Variants in OR8G1 observed in about 807,000 individuals in gnomAD.
OR8G1 encodes the protein olfactory receptor family 8 subfamily G member 1.
For synonymous variants in OR8G1, 129 were observed against 133.3 expected (o/e 0.97, Z 0.22); for missense variants, 372 against 356.2 (o/e 1.04, Z -0.36).
intron 1 of OR8G1, among the ~76,000 whole-genome samples, chr11:124,244,920 A>C (rs962258394): frequency 1.3e-5 from 2 of 151,982 alleles, no homozygotes; most frequent in African/African-American, 4.8e-5. Flanking sequence ...TGTTGAGTCT[A>C]TCCATAAGTT....
At chr11:124,248,881 A>G (rs956815510) in intron 2 of OR8G1, among the ~76,000 whole-genome samples, 48 of 152,128 alleles carry the variant, frequency 3.2e-4, no homozygotes, top group Admixed American at 9.8e-4. Context: ...TGCCAATTTT[A>G]TTAATAGGTA....
At position 124,253,928 on chromosome 11, in the gene OR8G1, TA is replaced by T. The variant is rs1861886608; in HGVS notation, c.*3318del. 6.6e-6 allele frequency: 1 copy of T among 152,244 alleles called. No individual in the cohort carries two copies. The highest frequency in any genetic ancestry group is 2.4e-5 in the African/African-American group (1 of 41,466). 9.4% of individuals were successfully genotyped at this position (152,244 alleles called of 1,614,324 possible). On this transcript the variant is annotated 3_prime_UTR_variant, in exon 3 of 3. Transcript: ENST00000641972. ...TTGTGCACATATACCACATTTTGTT[TA>T]TCCATTCTTCCTAAGCGATGGACAC...
At position 124,252,629 on chromosome 11, in the gene OR8G1, A is replaced by G. The variant is rs965652785; in HGVS notation, c.*2018A>G. On this transcript the variant is annotated 3_prime_UTR_variant, in exon 3 of 3. Coordinates refer to ENST00000641972, the MANE Select transcript of OR8G1 (RefSeq NM_001002905.2). Reference sequence around the variant, plus strand: ...CACACTCAAATATTTATTAATGATTATACCAAACACCCTTGGTTTCTCATG... The same window carrying G: ...CACACTCAAATATTTATTAATGATTGTACCAAACACCCTTGGTTTCTCATG... 1.3e-5 allele frequency: 2 copies of G among 152,216 alleles called. No homozygotes were observed. The highest frequency in any genetic ancestry group is 2.9e-5 in the Non-Finnish European group (2 of 68,046). 9.4% of individuals were successfully genotyped at this position (152,216 alleles called of 1,614,324 possible). A position where few individuals can be genotyped will look rare whatever the true frequency, so the allele number is the denominator to read the frequency against.
intron 1 of OR8G1, among the ~76,000 whole-genome samples, chr11:124,247,522 T>G (rs2466644): frequency 0.51 from 77,039 of 151,152 alleles, 20,216 homozygotes; most frequent in South Asian, 0.7. Flanking sequence ...CTAAAAATTC[T>G]CACAGAGAGA....
intron 1 of OR8G1, among the ~76,000 whole-genome samples, chr11:124,244,637 C>T (rs1861794792): frequency 6.6e-6 from 1 of 151,884 alleles, no homozygotes; most frequent in African/African-American, 2.4e-5. Flanking sequence ...AATTACTGAT[C>T]CTATGTAAGG....
intron 2 of OR8G1, 32 bp from the exon 3 acceptor site, chr11:124,249,628 G>T (rs969257286): frequency 1.9e-5 from 30 of 1,550,404 alleles, no homozygotes; most frequent in Middle Eastern, 1.8e-4. Context: ...CAACCATGGG[G>T]TTTTTTTGTT....
rs1002989158 is a variant in OR8G1 at position 124,243,247 on chromosome 11, A to G, written c.-97+1883A>G. 2.6e-5 allele frequency among the ~76,000 whole-genome samples: 4 copies of G among 151,954 alleles called. No individual in the cohort carries two copies. The South Asian group carries it at 8.3e-4, about 31-fold the overall frequency. ...CATATATACCCAATTTTTAACACGC[A>G]GGAGTAAACATAATAGACCAGGAGC... On this transcript the variant is annotated intron_variant, in intron 1 of 2. Transcript: ENST00000641972.
At chr11:124,247,341 A>G (rs563232985) in intron 1 of OR8G1, among the ~76,000 whole-genome samples, 8 of 151,994 alleles carry the variant, frequency 5.3e-5, no homozygotes, top group South Asian at 2.1e-4. Flanking sequence ...ATCGCTGCAT[A>G]GTCTACAATT....
intron 1 of OR8G1, among the ~76,000 whole-genome samples, 184 bp from the exon 2 acceptor site, chr11:124,247,617 T>G (rs1861824351): frequency 6.6e-6 from 1 of 151,872 alleles, no homozygotes; most frequent in Admixed American, 6.6e-5. Flanking sequence ...AAAATATGTT[T>G]TTGAGATTTG....
rs1467410258 is a variant in OR8G1, at chr11:124,247,818, T to C, written c.-79T>C. On this transcript the variant is annotated 5_prime_UTR_variant, in exon 2 of 3. Transcript: ENST00000641972. ...TTTTCCAGTTTGGGGCTCTTATGAA[T>C]AAGGCTGTCATGAACATTTTTGTAT... 1 of 151,890 alleles carries C rather than the reference T, an allele frequency of 6.6e-6. No individual in the cohort carries two copies. Among genetic ancestry groups the C allele is most frequent in the African/African-American group, 2.4e-5 (1 of 41,424 alleles). The allele number at this position is 151,890 out of a possible 1,614,324, so 9.4% of individuals were successfully genotyped here.
intron 1 of OR8G1, among the ~76,000 whole-genome samples, chr11:124,246,855 G>T (rs1318287868): frequency 1.4e-5 from 1 of 73,238 alleles, no homozygotes; most frequent in African/African-American, 6.7e-5. Context: ...ATGTATTTTT[G>T]AAAGAAATAG....
intron 2 of OR8G1, 37 bp from the exon 3 acceptor site, chr11:124,249,623 A>G (rs1011568976): frequency 8.5e-6 from 13 of 1,538,054 alleles, no homozygotes; most frequent in South Asian, 6.4e-5. Flanking sequence ...TCCCACAACC[A>G]TGGGGTTTTT....
intron 1 of OR8G1, among the ~76,000 whole-genome samples, chr11:124,246,561 A>G (rs528910096): frequency 1.3e-5 from 2 of 151,964 alleles, no homozygotes; most frequent in African/African-American, 2.4e-5. Flanking sequence ...AAAATCAGAA[A>G]TTTTAGTGGG....
chr11:124,249,870 T>C lies in OR8G1; in HGVS notation c.195T>C (p.Ser65=). 4 of 1,613,726 alleles carry C rather than the reference T, an allele frequency of 2.5e-6. No individual in the cohort carries two copies. The highest frequency in any genetic ancestry group is 3.4e-6 in the Non-Finnish European group (4 of 1,179,994). The change falls in exon 3 of 3, where the codon AGT becomes AGC. Residue 65 remains serine, a synonymous_variant. Coordinates refer to ENST00000641972, the MANE Select transcript of OR8G1 (RefSeq NM_001002905.2). Reference sequence around the variant, plus strand: ...CCCCTATGTACTATTTCCTCAGCAGTCTGTCCTTCATTGACTTCTGCCATT... The same window carrying C: ...CCCCTATGTACTATTTCCTCAGCAGCCTGTCCTTCATTGACTTCTGCCATT... ...LHTPMYYFLS[S]LSFIDFCHST...
intron 1 of OR8G1, among the ~76,000 whole-genome samples, chr11:124,247,422 G>C (rs1179958224): frequency 1.3e-5 from 2 of 151,796 alleles, no homozygotes; most frequent in Non-Finnish European, 2.9e-5. Context: ...TTTGCAAAGT[G>C]GGCAAGCATT....
chr11:124,244,113 GGA>G (rs1355099679), intron 1 of OR8G1, among the ~76,000 whole-genome samples: 19 of 147,440 alleles, frequency 1.3e-4, no homozygotes, highest in Admixed American at 1.0e-3. Flanking sequence ...ATGGAGAGAG[GGA>G]GAGAGAGATG....
In OR8G1 at chr11:124,249,835, C is replaced by G; in HGVS notation, c.160C>G (p.His54Asp). The G allele has an allele frequency of 1.2e-6, 2 of 1,614,020 alleles. No individual in the cohort carries two copies. Among genetic ancestry groups the G allele is most frequent in the Non-Finnish European group, 8.5e-7 (1 of 1,179,982 alleles). The change falls in exon 3 of 3, where the codon CAC becomes GAC. Residue 54 changes from histidine to aspartate, a missense_variant. His to Asp is a moderately conservative substitution (Grantham distance 81, BLOSUM62 -1). Coordinates refer to ENST00000641972, the MANE Select transcript of OR8G1 (RefSeq NM_001002905.2). ...GMTTLIWLSS[H>D]LHTPMYYFLS... is the part of the protein sequence containing the mutation. ...GACCACACTGATTTGGCTCAGTTCT[C>G]ACCTGCACACCCCTATGTACTATTT...
Position 124,251,411 on chromosome 11 carries a change from C to A in OR8G1, c.*800C>A. 2 of 1,026,768 alleles carry A rather than the reference C, an allele frequency of 1.9e-6. No homozygotes were observed. The highest frequency in any genetic ancestry group is 2.8e-6 in the Non-Finnish European group (2 of 727,130). 63.6% of individuals were successfully genotyped at this position (1,026,768 alleles called of 1,614,324 possible). Reference sequence around the variant, plus strand: ...CGAAGAGCTACATATGTTTTTAAATCTAATCTAATTTAATTTATATTTCAA... The same window carrying A: ...CGAAGAGCTACATATGTTTTTAAATATAATCTAATTTAATTTATATTTCAA... On this transcript the variant is annotated 3_prime_UTR_variant, in exon 3 of 3. Coordinates refer to ENST00000641972, the MANE Select transcript of OR8G1 (RefSeq NM_001002905.2).
chr11:124,244,662 C>G (rs962309183), intron 1 of OR8G1, among the ~76,000 whole-genome samples: 5 of 151,878 alleles, frequency 3.3e-5, no homozygotes, highest in African/African-American at 4.8e-5. Flanking sequence ...TAAGTGAAGA[C>G]AGATTCAAGG....
Sources: allele counts gnomAD v4.1 joint callset (sites outside exome capture counted in the v4.1 genomes callset), GRCh38; gene constraint gnomAD v4.1.1; transcripts MANE v1.5; gene names NCBI Gene and HGNC (gene_info 2026-07-23, HGNC 2026-07-21).